COG7: variants seen among roughly 807,000 people sequenced by gnomAD.
COG7 encodes conserved oligomeric Golgi complex subunit 7.
COG7 carries 49 observed loss-of-function variants against 91.5 expected under a neutral mutation model. That is an observed-to-expected ratio of 0.54 (90% CI 0.43 to 0.68). The LOEUF (loss-of-function observed/expected upper bound fraction) is 0.68. COG7 is among the 30% of genes least tolerant of loss of function. COG7 has a pLI of 0.00. For synonymous variants in COG7, 365 were observed against 388.7 expected (o/e 0.94, Z 0.72); for missense variants, 895 against 961.3 (o/e 0.93, Z 0.91).
chr16:23,451,415 C>T (rs942943096), intron 1 of COG7, among the ~76,000 whole-genome samples: 2 of 152,056 alleles, frequency 1.3e-5, no homozygotes, highest in South Asian at 2.1e-4. Context: ...TTTAACTTAT[C>T]CTCAACAAAT....
At chr16:23,422,278 A>G (rs887243161) in intron 7 of COG7, among the ~76,000 whole-genome samples, 16 of 151,986 alleles carry the variant, frequency 1.1e-4, no homozygotes, top group African/African-American at 3.9e-4. Context: ...GTGTCACTGC[A>G]CTCTAACCTG....
Position 23,389,010 on chromosome 16 carries a change from C to A in COG7, c.2223G>T (p.Lys741Asn). The A allele has an allele frequency of 6.2e-7, 1 of 1,614,104 alleles. No homozygotes were observed. Among genetic ancestry groups the A allele is most frequent in the Non-Finnish European group, 8.5e-7 (1 of 1,180,016 alleles). Residue 741 changes from lysine to asparagine, a missense_variant, in exon 17 of 17, where the codon AAG (lysine) becomes AAT (asparagine). Coordinates refer to ENST00000307149, the MANE Select transcript of COG7 (RefSeq NM_153603.4). ...CCTGTCTATAGTCCTCAGGCCTGGTCTTCAGTAGCGTCACGATGTGCTGGA... is the reference window on the plus strand; with the variant it reads ...CCTGTCTATAGTCCTCAGGCCTGGTATTCAGTAGCGTCACGATGTGCTGGA... The part of the protein sequence containing the change: ...RTLQHIVTLL[K>N]TRPEDYRQVS...
intron 14 of COG7, 32 bp downstream of exon 14, chr16:23,398,014 A>T (rs773304962): frequency 6.3e-7 from 1 of 1,581,876 alleles, no homozygotes; most frequent in Non-Finnish European, 8.7e-7. Context: ...AAAGACTTGG[A>T]CCACCCTGGA....
chr16:23,403,900 A>C, intron 12 of COG7, 66 bp from the exon 13 acceptor site: 1 of 1,600,374 alleles, frequency 6.2e-7, no homozygotes, highest in Non-Finnish European at 8.5e-7. Flanking sequence ...TAGCTAGTTA[A>C]CCATTTTGAA....
At chr16:23,410,813 C>A (rs545996996) in intron 10 of COG7, among the ~76,000 whole-genome samples, 1 of 152,292 alleles carries the variant, frequency 6.6e-6, no homozygotes, top group African/African-American at 2.4e-5. Flanking sequence ...TCAAGTGACT[C>A]TCCTGCCTCA....
intron 5 of COG7, 44 bp from the exon 6 acceptor site, chr16:23,433,711 T>A: frequency 6.2e-7 from 1 of 1,611,536 alleles, no homozygotes; most frequent in African/African-American, 1.3e-5. Context: ...TACGTCAACA[T>A]AGGTTGCCTG....
intron 14 of COG7, among the ~76,000 whole-genome samples, chr16:23,396,730 C>G (rs1963290371): frequency 6.6e-6 from 1 of 151,802 alleles, no homozygotes; most frequent in South Asian, 2.1e-4. Context: ...GTTGTAAAGA[C>G]CAACCCACAT....
intron 12 of COG7, among the ~76,000 whole-genome samples, chr16:23,405,286 T>C (rs530517897): frequency 6.6e-6 from 1 of 152,284 alleles, no homozygotes; most frequent in Admixed American, 6.5e-5. Flanking sequence ...GGCTTCTCCC[T>C]TGGAAAAGAG....
chr16:23,391,936 G>C, intron 16 of COG7: 1 of 1,009,430 alleles, frequency 9.9e-7, no homozygotes, highest in African/African-American at 1.7e-5. Context: ...GTTCCCTATC[G>C]GTATGATGGA....
chr16:23,416,893 G>A, intron 9 of COG7, 74 bp downstream of exon 9: 1 of 1,563,076 alleles, frequency 6.4e-7, no homozygotes, highest in Non-Finnish European at 8.8e-7. Context: ...AACAAATACA[G>A]AACACGTGCA....
chr16:23,437,748 T>G (rs750496191), intron 4 of COG7, among the ~76,000 whole-genome samples: 4 of 151,986 alleles, frequency 2.6e-5, no homozygotes, highest in Non-Finnish European at 4.4e-5. Flanking sequence ...CAAAGAAAAC[T>G]CCACCACGGT....
intron 11 of COG7, among the ~76,000 whole-genome samples, chr16:23,409,064 CGTGTGT>C (rs139188327): frequency 5.0e-5 from 7 of 141,406 alleles, no homozygotes; most frequent in African/African-American, 1.1e-4. Context: ...AGTGTGCATG[CGTGTGT>C]GTGTGTGTGT....
At chr16:23,438,933 G>A (rs944461772) in intron 4 of COG7, among the ~76,000 whole-genome samples, 12 of 151,874 alleles carry the variant, frequency 7.9e-5, no homozygotes, top group Non-Finnish European at 1.6e-4. Flanking sequence ...CAAGACGGGC[G>A]GATCACTTGA....
chr16:23,441,060 A>G (rs372419028), intron 4 of COG7, among the ~76,000 whole-genome samples: 5 of 152,312 alleles, frequency 3.3e-5, no homozygotes, highest in African/African-American at 1.2e-4. Context: ...GAGAACAAAT[A>G]AAACAGAAAA....
intron 4 of COG7, among the ~76,000 whole-genome samples, chr16:23,440,984 G>GAC (rs1315520415): frequency 6.6e-6 from 1 of 151,842 alleles, no homozygotes. Context: ...GAGAAAATAT[G>GAC]ATATATATGG....
intron 4 of COG7, among the ~76,000 whole-genome samples, chr16:23,435,227 C>T (rs568261369): frequency 4.3e-4 from 66 of 152,110 alleles, no homozygotes; most frequent in Non-Finnish European, 8.7e-4. Context: ...ATTAGCTGAG[C>T]GTGGTGGTGC....
At chr16:23,448,904 G>C (rs1489194893) in intron 1 of COG7, among the ~76,000 whole-genome samples, 1 of 152,134 alleles carries the variant, frequency 6.6e-6, no homozygotes, top group African/African-American at 2.4e-5. Flanking sequence ...GTTTAAATTA[G>C]ATAACCATGC....
chr16:23,396,572 G>A lies in COG7; in HGVS notation c.1887+1474C>T, dbSNP rs183950045. Among the ~76,000 whole-genome samples the A allele has an allele frequency of 5.8e-3, 876 of 151,804 alleles. 6 individuals carry two copies. The highest frequency in any genetic ancestry group is 0.02 in the African/African-American group (833 of 41,360). Reference sequence around the variant, plus strand: ...TGGGCGCCTGTAATCCCAGCTACTCGGAAGGCTGTAGCAGGAGAATCACTT... The same window carrying A: ...TGGGCGCCTGTAATCCCAGCTACTCAGAAGGCTGTAGCAGGAGAATCACTT... On this transcript the variant is annotated intron_variant, in intron 14 of 16. Coordinates refer to ENST00000307149, the MANE Select transcript of COG7 (RefSeq NM_153603.4).
At chr16:23,429,673 A>G (rs961535974) in intron 6 of COG7, among the ~76,000 whole-genome samples, 1 of 152,148 alleles carries the variant, frequency 6.6e-6, no homozygotes, top group Non-Finnish European at 1.5e-5. Flanking sequence ...CTGAGGCAGG[A>G]CAACCACTTG....
Sources: allele counts gnomAD v4.1 joint callset (sites outside exome capture counted in the v4.1 genomes callset), GRCh38; gene constraint gnomAD v4.1.1; transcripts MANE v1.5; gene names NCBI Gene and HGNC (gene_info 2026-07-23, HGNC 2026-07-21).